The following GABBR2 variants were observed in gnomAD, a reference collection of about 807,000 sequenced individuals.
GABBR2 encodes G-protein coupled receptor 51.
In GABBR2, 23 loss-of-function variants were observed where a neutral mutation model predicts 105.6. The observed-to-expected ratio is 0.22, with a 90% CI of 0.16 to 0.31. The LOEUF is 0.31. Ranked by LOEUF, GABBR2 falls within the 10% of genes least tolerant of loss-of-function variation. GABBR2 has a pLI of 1.00. For synonymous variants in GABBR2, 478 were observed against 499.7 expected, an observed-to-expected ratio of 0.96 and a Z score of 0.58; for missense variants, 734 against 1,245.5, an observed-to-expected ratio of 0.59 and a Z score of 6.18.
intron 7 of GABBR2, among the ~76,000 whole-genome samples, chr9:98,449,937 G>A (rs1361264060): frequency 6.6e-6 from 1 of 152,162 alleles, no homozygotes; most frequent in Non-Finnish European, 1.5e-5. Context: ...GTCACTGGGA[G>A]CAGAGCTTCT....
intron 3 of GABBR2, among the ~76,000 whole-genome samples, chr9:98,501,811 C>T (rs752502550): frequency 9.2e-5 from 14 of 152,076 alleles, no homozygotes; most frequent in Non-Finnish European, 2.9e-5. Flanking sequence ...CTAGGAAGTC[C>T]CACATTTTTC....
intron 2 of GABBR2, among the ~76,000 whole-genome samples, chr9:98,568,402 A>G (rs564030465): frequency 1.3e-5 from 2 of 152,348 alleles, no homozygotes; most frequent in African/African-American, 4.8e-5. Flanking sequence ...AGAGGCTCAG[A>G]AGAGCCAGCA....
chr9:98,690,557 G>T (rs1830670854), intron 1 of GABBR2, among the ~76,000 whole-genome samples: 1 of 152,144 alleles, frequency 6.6e-6, no homozygotes, highest in Non-Finnish European at 1.5e-5. Context: ...GTCATGTTTG[G>T]CAGGTAGCAA....
At chr9:98,359,160 G>A (rs1455802687) in intron 13 of GABBR2, among the ~76,000 whole-genome samples, 1 of 152,184 alleles carries the variant, frequency 6.6e-6, no homozygotes, top group African/African-American at 2.4e-5. Flanking sequence ...GGGCGAGGTG[G>A]CTCACACCTA....
chr9:98,500,193 G>C (rs184550925), intron 3 of GABBR2, among the ~76,000 whole-genome samples: 2 of 152,354 alleles, frequency 1.3e-5, no homozygotes, highest in East Asian at 3.9e-4. Flanking sequence ...TTCTGGGAAA[G>C]GAATAACTCT....
At chr9:98,405,407 G>A (rs1033040348) in intron 8 of GABBR2, among the ~76,000 whole-genome samples, 6 of 152,022 alleles carry the variant, frequency 3.9e-5, no homozygotes, top group African/African-American at 1.2e-4. Flanking sequence ...CTCCAGCCAG[G>A]GCAACATACT....
chr9:98,435,088 A>G (rs1468171405), intron 7 of GABBR2, among the ~76,000 whole-genome samples: 2 of 152,218 alleles, frequency 1.3e-5, no homozygotes, highest in East Asian at 3.9e-4. Context: ...CACACTCCAT[A>G]TTCTCAGTTT....
chr9:98,431,207 A>C (rs78141324), intron 7 of GABBR2, among the ~76,000 whole-genome samples: 20,886 of 152,054 alleles, frequency 0.14, 1,808 homozygotes, highest in Non-Finnish European at 0.19. Context: ...TCTTCTCGCC[A>C]TCCACTGGTA....
At position 98,306,485 on chromosome 9, in the gene GABBR2, G is replaced by A. The variant is rs746613805; in HGVS notation, c.2005-140C>T. The stretch of plus-strand genomic sequence containing the variant: ...AGGGTCGGGGGCCTTGCTGTCAGCC[G>A]GGTCTTCTGGATGTCACCATCTGTC... On this transcript the variant is annotated intron_variant, in intron 14 of 18. Coordinates refer to ENST00000259455, the MANE Select transcript of GABBR2 (RefSeq NM_005458.8). The surrounding 1 kb of genome is among the most constrained non-coding windows in gnomAD (Gnocchi z 5.4). 3 of 656,232 alleles carry A rather than the reference G, an allele frequency of 4.6e-6. No individual in the cohort carries two copies. Among genetic ancestry groups the A allele is most frequent in the Non-Finnish European group, 8.3e-6 (3 of 361,518 alleles). 40.7% of individuals were successfully genotyped at this position (656,232 alleles called of 1,614,324 possible).
At chr9:98,668,687 T>C (rs1435225786) in intron 1 of GABBR2, among the ~76,000 whole-genome samples, 2 of 152,180 alleles carry the variant, frequency 1.3e-5, no homozygotes, top group Non-Finnish European at 2.9e-5. Context: ...TCTCCCTCCT[T>C]CTCTGCAGCC....
chr9:98,576,388 T>C (rs556599746), intron 2 of GABBR2, among the ~76,000 whole-genome samples: 4 of 152,298 alleles, frequency 2.6e-5, no homozygotes, highest in African/African-American at 9.6e-5. Context: ...CACCCAGTGG[T>C]CTCCTTCTCA....
intron 4 of GABBR2, among the ~76,000 whole-genome samples, chr9:98,485,943 G>C (rs1229934904): frequency 6.6e-6 from 1 of 152,106 alleles, no homozygotes; most frequent in Admixed American, 6.5e-5. Flanking sequence ...CACATTGGTG[G>C]AAAACTCCGG....
chr9:98,519,120 A>G (rs964064637), intron 3 of GABBR2, among the ~76,000 whole-genome samples: 1 of 152,182 alleles, frequency 6.6e-6, no homozygotes, highest in Non-Finnish European at 1.5e-5. Context: ...GCGGCTTGTT[A>G]ATCTGTCCAT....
intron 1 of GABBR2, among the ~76,000 whole-genome samples, chr9:98,586,655 T>C (rs998523665): frequency 6.6e-6 from 1 of 152,266 alleles, no homozygotes; most frequent in African/African-American, 2.4e-5. Flanking sequence ...CACTGTATCA[T>C]TTAATTTTAC....
At chr9:98,292,496 G>A (rs1028157698) in intron 18 of GABBR2, among the ~76,000 whole-genome samples, 5 of 152,176 alleles carry the variant, frequency 3.3e-5, no homozygotes, top group Non-Finnish European at 7.3e-5. Context: ...GGGTACAGAC[G>A]AAGTGCTGCC....
chr9:98,656,133 T>C (rs894835311), intron 1 of GABBR2, among the ~76,000 whole-genome samples: 2 of 152,116 alleles, frequency 1.3e-5, no homozygotes, highest in African/African-American at 4.8e-5. Context: ...AGGGAGATAA[T>C]TAGTAGGCCA....
At chr9:98,601,279 G>T (rs1185853693) in intron 1 of GABBR2, among the ~76,000 whole-genome samples, 1 of 152,204 alleles carries the variant, frequency 6.6e-6, no homozygotes, top group Admixed American at 6.5e-5. Flanking sequence ...CACTTCGGGA[G>T]GCCAAAAAGG....
intron 13 of GABBR2, among the ~76,000 whole-genome samples, chr9:98,320,640 G>A (rs567975729): frequency 3.9e-4 from 59 of 152,208 alleles, no homozygotes; most frequent in African/African-American, 1.3e-3. Context: ...ATGGAATACT[G>A]TGCAGCCTTA....
intron 1 of GABBR2, among the ~76,000 whole-genome samples, chr9:98,660,845 A>G (rs1242274991): frequency 6.6e-6 from 1 of 152,148 alleles, no homozygotes; most frequent in Non-Finnish European, 1.5e-5. Flanking sequence ...CCTCCTTCTT[A>G]TAAGAACCCT....
Sources: gnomAD v4.1 joint callset for allele counts (sites outside exome capture counted in the v4.1 genomes callset) on GRCh38, gnomAD v4.1.1 for gene constraint, Gnocchi (gnomAD v3.1) non-coding constraint, MANE v1.5 for transcripts, NCBI Gene and HGNC (gene_info 2026-07-23, HGNC 2026-07-21) for gene names.